The following NUDT14 variants were observed in gnomAD, a reference collection of about 807,000 sequenced individuals.
NUDT14 encodes nudix hydrolase 14, also known as uridine diphosphate glucose pyrophosphatase NUDT14.
In NUDT14, 22 loss-of-function variants were observed where a neutral mutation model predicts 17.5. That is an observed-to-expected ratio of 1.26 (90% CI 0.90 to 1.80). The LOEUF (loss-of-function observed/expected upper bound fraction) is 1.80, where lower values mean the gene tolerates loss of function less well. Ranked by LOEUF, NUDT14 falls within the 40% of genes most tolerant of loss-of-function variation. The probability of loss-of-function intolerance (pLI) is 0.00; values close to 1 mark genes in which losing one functional copy is unlikely to be tolerated. For missense variants in NUDT14, 296 were observed against 295.6 expected (o/e 1.00, Z -0.01); for synonymous variants, 129 against 125.8 (o/e 1.03, Z -0.17).
In NUDT14 at chr14:105,181,177, G is replaced by T. The variant is rs1239392763; in HGVS notation, c.33C>A (p.Arg11=). 4.2e-6 allele frequency: 5 copies of T among 1,185,688 alleles called. No individual in the cohort carries two copies. In the Admixed American group the frequency reaches 1.6e-4, roughly 37 times the overall value. 73.4% of individuals were successfully genotyped at this position (1,185,688 alleles called of 1,614,324 possible). Residue 11 remains arginine, a synonymous_variant, in exon 1 of 5, where the codon CGC becomes CGA. Coordinates refer to ENST00000392568, the MANE Select transcript of NUDT14 (RefSeq NM_177533.5). The surrounding 1 kb of genome is among the most constrained non-coding windows in gnomAD (Gnocchi z 5.0). ...GCCGCAGGTAGGGTGAGGCGGCGCA[G>T]CGGCCCACGGACGCCCCCTCGATGC... MERIEGASVG[R]CAASPYLRPL...
At chr14:105,180,903 T>C (rs1889311229) in intron 1 of NUDT14, among the ~76,000 whole-genome samples, 1 of 151,884 alleles carries the variant, frequency 6.6e-6, no homozygotes, top group Admixed American at 6.5e-5. Context: ...AAAGGATGAG[T>C]GGTGCCCCCT....
At chr14:105,177,845 C>G (rs954150077) in intron 1 of NUDT14, 110 bp from the exon 2 acceptor site, 72 of 1,047,620 alleles carry the variant, frequency 6.9e-5, no homozygotes, top group Non-Finnish European at 6.2e-5. Context: ...GAGATCGGCT[C>G]GTGGCCTGGG....
intron 4 of NUDT14, among the ~76,000 whole-genome samples, chr14:105,174,408 TCGGGTGCCATGAACCAAG>T (rs587674967): frequency 9.2e-5 from 14 of 152,040 alleles, no homozygotes; most frequent in Admixed American, 6.5e-4. Flanking sequence ...GGAGGGGCTG[TCGGGTGCCATGAACCAAG>T]GCCAGCCGGA....
intron 4 of NUDT14, 39 bp downstream of exon 4, chr14:105,176,495 T>C: frequency 2.0e-6 from 3 of 1,516,838 alleles, no homozygotes; most frequent in Non-Finnish European, 2.7e-6. Flanking sequence ...TCCCATCTCC[T>C]GAGTCACACC....
chr14:105,174,053 G>C (rs1289514813), intron 4 of NUDT14, among the ~76,000 whole-genome samples: 1 of 151,888 alleles, frequency 6.6e-6, no homozygotes, highest in African/African-American at 2.4e-5. Context: ...TGCACTGACC[G>C]CCCCCCCACC....
chr14:105,180,858 G>A (rs1391707571), intron 1 of NUDT14, among the ~76,000 whole-genome samples: 1 of 152,190 alleles, frequency 6.6e-6, no homozygotes, highest in Non-Finnish European at 1.5e-5. Flanking sequence ...CGGATTGGGC[G>A]GGCGGGAAGG....
At chr14:105,175,131 C>T (rs1387916823) in intron 4 of NUDT14, among the ~76,000 whole-genome samples, 1 of 152,230 alleles carries the variant, frequency 6.6e-6, no homozygotes, top group Non-Finnish European at 1.5e-5. Flanking sequence ...AGTAGAACCA[C>T]CGCGGCCAGG....
intron 1 of NUDT14, among the ~76,000 whole-genome samples, chr14:105,178,115 G>A (rs1889255845): frequency 6.6e-6 from 1 of 152,132 alleles, no homozygotes; most frequent in Admixed American, 6.5e-5. Flanking sequence ...CTCACAGCAG[G>A]GCAGGAGGGC....
Position 105,176,887 on chromosome 14 carries a change from C to T in NUDT14, c.190+76G>A, listed in dbSNP as rs587666213. ...CTTCCCCTGGAGCCCCCTCCCACAT[C>T]TGTATTCAGACCCTCAGGACCACAG... On this transcript the variant is annotated intron_variant, in intron 3 of 4. Coordinates refer to ENST00000392568, the MANE Select transcript of NUDT14 (RefSeq NM_177533.5). 2.8e-5 allele frequency: 44 copies of T among 1,564,808 alleles called. No homozygotes were observed. The East Asian group carries it at 1.0e-3, about 35-fold the overall frequency.
Position 105,181,234 on chromosome 14 carries a change from CG to C in NUDT14, c.-26del. 4.0e-6 allele frequency: 1 copy of C among 248,628 alleles called. No individual in the cohort carries two copies. Among genetic ancestry groups the C allele is most frequent in the Non-Finnish European group, 5.0e-6 (1 of 198,164 alleles). 15.4% of individuals were successfully genotyped at this position (248,628 alleles called of 1,614,324 possible). ...TGGCGGCGCCCGGACAGGCGGGGGCCGCGAGCTCTGCGGGGGCCGACACGGG... is the reference window on the plus strand; with the variant it reads ...TGGCGGCGCCCGGACAGGCGGGGGCCCGAGCTCTGCGGGGGCCGACACGGG... On this transcript the variant is annotated 5_prime_UTR_variant, in exon 1 of 5. Transcript: ENST00000392568. The surrounding 1 kb of genome is among the most constrained non-coding windows in gnomAD (Gnocchi z 5.0).
chr14:105,180,611 ACT>A (rs1889305825), intron 1 of NUDT14, among the ~76,000 whole-genome samples: 2 of 151,838 alleles, frequency 1.3e-5, no homozygotes, highest in African/African-American at 4.8e-5. Context: ...GCAGATGGAG[ACT>A]CCAAGGAGGT....
chr14:105,176,244 A>G (rs1016291189), intron 4 of NUDT14, among the ~76,000 whole-genome samples: 2 of 152,076 alleles, frequency 1.3e-5, no homozygotes, highest in Non-Finnish European at 2.9e-5. Context: ...CCCGGTCTTA[A>G]TCCTACAGGA....
Position 105,176,603 on chromosome 14 carries a change from C to T in NUDT14, c.359G>A (p.Cys120Tyr). ...GCCACACTCCTCCCAAGCCTCCTTG[C>T]AAGCCACTTCCTCCAGCGAGAGCCC... ...QPGLSLEEVA[C>Y]KEAWEECGYH... Residue 120 changes from cysteine (C) to tyrosine (Y), a missense_variant, in exon 4 of 5, where the codon TGC becomes TAC. Coordinates refer to ENST00000392568, the MANE Select transcript of NUDT14 (RefSeq NM_177533.5). 1.9e-6 allele frequency: 3 copies of T among 1,612,780 alleles called. No individual in the cohort carries two copies.
At chr14:105,176,473 G>T in intron 4 of NUDT14, 61 bp downstream of exon 4, 1 of 1,322,836 alleles carries the variant, frequency 7.6e-7, no homozygotes, top group Non-Finnish European at 1.1e-6. Context: ...CAGGGACGGG[G>T]CCCTCACTCT....
rs1369062284 is a variant in NUDT14, at chr14:105,181,115, G to A, written c.81+14C>T. On this transcript the variant is annotated intron_variant, in intron 1 of 4. Transcript: ENST00000392568. The surrounding 1 kb of genome is among the most constrained non-coding windows in gnomAD (Gnocchi z 5.0). The stretch of plus-strand genomic sequence containing the variant: ...GCCGGCGGGGGCGCGGGGGACGCGG[G>A]GGCGCGGGCTCACCTGGCGGTAATG... 9 of 1,014,712 alleles carry A rather than the reference G, an allele frequency of 8.9e-6. No homozygotes were observed. The highest frequency in any genetic ancestry group is 1.1e-5 in the Non-Finnish European group (9 of 836,858). The allele number at this position is 1,014,712 out of a possible 1,614,324, so 62.9% of individuals were successfully genotyped here.
In NUDT14 at chr14:105,176,626, C is replaced by T; in HGVS notation, c.336G>A (p.Gly112=). The T allele has an allele frequency of 6.2e-7, 1 of 1,612,762 alleles. No individual in the cohort carries two copies. The highest frequency in any genetic ancestry group is 8.5e-7 in the Non-Finnish European group (1 of 1,179,988). The part of the protein sequence containing the change: ...ELCAGLVDQP[G]LSLEEVACKE... ...TGCAAGCCACTTCCTCCAGCGAGAGCCCAGGCTGGTCCACGAGGCCGGCAC... is the reference window on the plus strand; with the variant it reads ...TGCAAGCCACTTCCTCCAGCGAGAGTCCAGGCTGGTCCACGAGGCCGGCAC... The change falls in exon 4 of 5, where the codon GGG becomes GGA. Residue 112 remains glycine (G), a synonymous_variant. Transcript: ENST00000392568.
chr14:105,177,670 C>A (rs780631746), intron 2 of NUDT14, 22 bp downstream of exon 2: 1 of 1,611,226 alleles, frequency 6.2e-7, no homozygotes, highest in African/African-American at 1.3e-5. Context: ...TCCCCAGTGG[C>A]CAGGCTGGGC....
intron 4 of NUDT14, among the ~76,000 whole-genome samples, chr14:105,174,811 C>T (rs1889177163): frequency 6.6e-6 from 1 of 152,204 alleles, no homozygotes. Context: ...TCCATCACGC[C>T]CCAAGCTGAC....
chr14:105,179,759 G>A lies in NUDT14; in HGVS notation c.81+1370C>T, dbSNP rs141336593. Among the ~76,000 whole-genome samples, 300 of 152,336 alleles carry A rather than the reference G, an allele frequency of 2.0e-3. 2 individuals are homozygous for A. The highest frequency in any genetic ancestry group is 6.9e-3 in the African/African-American group (285 of 41,582). On this transcript the variant is annotated intron_variant, in intron 1 of 4. Coordinates refer to ENST00000392568, the MANE Select transcript of NUDT14 (RefSeq NM_177533.5). The stretch of plus-strand genomic sequence containing the variant: ...CTGCCAGCACCACCAGCTTAGCTTC[G>A]CCTTGGGGAGAGGGATCCCCTGTCC...
Sources: allele counts gnomAD v4.1 joint callset (sites outside exome capture counted in the v4.1 genomes callset), GRCh38; gene constraint gnomAD v4.1.1; non-coding constraint Gnocchi (gnomAD v3.1); transcripts MANE v1.5; gene names NCBI Gene and HGNC (gene_info 2026-07-23, HGNC 2026-07-21).